BBS5: variants seen among roughly 807,000 people sequenced by gnomAD.
The protein encoded by BBS5 is BBSome complex member BBS5.
BBS5 carries 39 observed loss-of-function variants against 50.2 expected under a neutral mutation model. The observed-to-expected ratio is 0.78, with a 90% CI of 0.60 to 1.01. The LOEUF is 1.01. BBS5 is among the 50% of genes least tolerant of loss of function. The probability of loss-of-function intolerance (pLI) is 0.00; values close to 1 mark genes in which losing one functional copy is unlikely to be tolerated. For missense variants in BBS5, 356 were observed against 401.5 expected (o/e 0.89, Z 0.97); for synonymous variants, 134 against 133.1 (o/e 1.01, Z -0.05).
At chr2:169,487,745 A>G in intron 3 of BBS5, 61 bp from the exon 4 acceptor site, 2 of 1,258,388 alleles carry the variant, frequency 1.6e-6, no homozygotes, top group South Asian at 1.3e-5. Flanking sequence ...TTTTTTTAGA[A>G]AAGTATTTTT....
rs752517746 is a variant in BBS5, at chr2:169,487,879, A to AAT, written c.258+34_258+35dup. The AAT allele has an allele frequency of 7.1e-5, 112 of 1,576,798 alleles. No homozygotes were observed. In the East Asian group the frequency reaches 1.1e-3, roughly 15 times the overall value. On this transcript the variant is annotated intron_variant, in intron 4 of 11. Transcript: ENST00000295240. ...CTGTAAGTCTAAAAAATCTTATTGC[A>AAT]ATATATATATAGTAAAGAAACTAGA...
chr2:169,499,459 T>A (rs1683758310), intron 8 of BBS5, 27 bp from the exon 9 acceptor site: 1 of 1,604,254 alleles, frequency 6.2e-7, no homozygotes. Context: ...CTTGTTGGGT[T>A]TTTTTTTATT....
intron 5 of BBS5, among the ~76,000 whole-genome samples, chr2:169,490,584 GTTTA>G (rs1239361464): frequency 1.3e-5 from 2 of 152,030 alleles, no homozygotes; most frequent in East Asian, 1.9e-4. Flanking sequence ...TAGTTTCCTA[GTTTA>G]TTTGATTTTT....
chr2:169,484,600 A>G (rs1683459058), intron 2 of BBS5, among the ~76,000 whole-genome samples: 1 of 152,320 alleles, frequency 6.6e-6, no homozygotes, highest in South Asian at 2.1e-4. Flanking sequence ...TGTTAAAACT[A>G]TATCCCAGAA....
chr2:169,504,156 G>A (rs1683858155), intron 10 of BBS5, 147 bp from the exon 11 acceptor site: 4 of 741,230 alleles, frequency 5.4e-6, no homozygotes, highest in Non-Finnish European at 9.4e-6. Context: ...CAGCATTGTA[G>A]AGATAGGTGA....
At chr2:169,501,672 G>T (rs1683804912) in intron 9 of BBS5, among the ~76,000 whole-genome samples, 1 of 152,140 alleles carries the variant, frequency 6.6e-6, no homozygotes, top group Admixed American at 6.5e-5. Flanking sequence ...GAGGTCAGGA[G>T]TTTGAGGCTG....
At chr2:169,502,192 G>C (rs1683821659) in intron 9 of BBS5, among the ~76,000 whole-genome samples, 4 of 152,128 alleles carry the variant, frequency 2.6e-5, no homozygotes, top group Non-Finnish European at 4.4e-5. Context: ...ATTCATAGTT[G>C]TTGGATGACT....
chr2:169,505,340 C>G lies in BBS5; in HGVS notation c.*758C>G. 1 of 364,884 alleles carries G rather than the reference C, an allele frequency of 2.7e-6. No individual in the cohort carries two copies. The highest frequency in any genetic ancestry group is 5.2e-6 in the Non-Finnish European group (1 of 191,372). The allele number at this position is 364,884 out of a possible 1,614,324, so 22.6% of individuals were successfully genotyped here. ...CTCCCAGCTGCCTGCCTTGGCCTCC[C>G]GAAGTGCCAAGAGTGCAGCCTCTGC... On this transcript the variant is annotated 3_prime_UTR_variant, in exon 12 of 12. Transcript: ENST00000295240.
intron 9 of BBS5, among the ~76,000 whole-genome samples, chr2:169,501,521 G>A (rs2105302679): frequency 6.6e-6 from 1 of 152,244 alleles, no homozygotes; most frequent in East Asian, 1.9e-4. Flanking sequence ...GAGGCCAGGA[G>A]TTTGAGACCA....
Position 169,504,979 on chromosome 2 carries a change from T to G in BBS5, c.*397T>G, listed in dbSNP as rs1269941230. 6 of 1,612,838 alleles carry G rather than the reference T, an allele frequency of 3.7e-6. No homozygotes were observed. Among genetic ancestry groups the G allele is most frequent in the Non-Finnish European group, 5.1e-6 (6 of 1,179,884 alleles). ...TCTACGTGTGCTTTTTCAAGGGAGCTGATAAAGAACTTCTTCCCAAAATGG... is the reference window on the plus strand; with the variant it reads ...TCTACGTGTGCTTTTTCAAGGGAGCGGATAAAGAACTTCTTCCCAAAATGG... On this transcript the variant is annotated 3_prime_UTR_variant, in exon 12 of 12. Transcript: ENST00000295240.
rs776117757 is a variant in BBS5, at chr2:169,504,466, C to G, written c.925-15C>G. The G allele has an allele frequency of 6.2e-7, 1 of 1,609,408 alleles. No homozygotes were observed. The highest frequency in any genetic ancestry group is 8.5e-7 in the Non-Finnish European group (1 of 1,175,942). On this transcript the variant is annotated splice_polypyrimidine_tract_variant and intron_variant, in intron 11 of 11. Coordinates refer to ENST00000295240, the MANE Select transcript of BBS5 (RefSeq NM_152384.3). ...CCTTCTCTATTCCCATCTTATCCTCCTGTCTCCCAAAAAGCAACAAGATCG... is the reference window on the plus strand; with the variant it reads ...CCTTCTCTATTCCCATCTTATCCTCGTGTCTCCCAAAAAGCAACAAGATCG...
At chr2:169,504,017 C>T (rs1326919162) in intron 10 of BBS5, among the ~76,000 whole-genome samples, 1 of 151,910 alleles carries the variant, frequency 6.6e-6, no homozygotes, top group Non-Finnish European at 1.5e-5. Context: ...CTGTTTCTTG[C>T]CACATGATGA....
chr2:169,502,707 A>C (rs1683832321), intron 9 of BBS5, among the ~76,000 whole-genome samples: 1 of 152,226 alleles, frequency 6.6e-6, no homozygotes, highest in Non-Finnish European at 1.5e-5. Context: ...TTCCATAAAA[A>C]TATTAGTTCT....
chr2:169,492,488 C>CAA (rs111566391), intron 5 of BBS5, among the ~76,000 whole-genome samples: 350 of 95,282 alleles, frequency 3.7e-3, no homozygotes, highest in Non-Finnish European at 4.6e-3. Flanking sequence ...GACTCCATCT[C>CAA]AAAAAAAAAA....
intron 6 of BBS5, 48 bp downstream of exon 6, chr2:169,493,057 T>C: frequency 6.2e-7 from 1 of 1,601,392 alleles, no homozygotes; most frequent in Non-Finnish European, 8.5e-7. Flanking sequence ...GTTTTGGTAA[T>C]CATTTTTCCA....
chr2:169,482,323 T>A lies in BBS5; in HGVS notation c.132T>A (p.Asn44Lys), dbSNP rs1223624496. The change falls in exon 2 of 12, where the codon AAT becomes AAA. Residue 44 changes from asparagine (N) to lysine (K), a missense_variant. By Grantham distance (94) the Asn-to-Lys change is moderately conservative (BLOSUM62 0). Transcript: ENST00000295240. ...LDSIEDTKGN[N>K]GDRGRLLVTN... ...CCATTGAAGACACCAAAGGAAATAA[T>A]GGAGATAGAGGTGAGTATATTTTTA... is the stretch of plus-strand genomic sequence containing the variant. 1.9e-6 allele frequency: 3 copies of A among 1,581,350 alleles called. No individual in the cohort carries two copies. The highest frequency in any genetic ancestry group is 2.6e-6 in the Non-Finnish European group (3 of 1,150,356).
At position 169,499,708 on chromosome 2, in the gene BBS5, T is replaced by G. The variant is rs191823028; in HGVS notation, c.816+88T>G. 4.4e-5 allele frequency: 58 copies of G among 1,330,672 alleles called. No homozygotes were observed. The Admixed American group carries it at 7.0e-4, about 16-fold the overall frequency. The allele number at this position is 1,330,672 out of a possible 1,614,324, so 82.4% of individuals were successfully genotyped here. The stretch of plus-strand genomic sequence containing the variant: ...GTAGATACCACTGTGCACCATTTAA[T>G]TTTGAACTGTTTTTAAAATGGTGAA... On this transcript the variant is annotated intron_variant, in intron 9 of 11. Coordinates refer to ENST00000295240, the MANE Select transcript of BBS5 (RefSeq NM_152384.3).
chr2:169,496,345 A>C (rs1349710749), intron 7 of BBS5, among the ~76,000 whole-genome samples: 1 of 152,222 alleles, frequency 6.6e-6, no homozygotes, highest in African/African-American at 2.4e-5. Flanking sequence ...CACTTAATCT[A>C]TCCCAACCTT....
In BBS5 at chr2:169,488,130, A is replaced by G. The variant is rs1454698956; in HGVS notation, c.386+16A>G. 7 of 1,611,586 alleles carry G rather than the reference A, an allele frequency of 4.3e-6. No homozygotes were observed. The highest frequency in any genetic ancestry group is 5.1e-6 in the Non-Finnish European group (6 of 1,178,684). On this transcript the variant is annotated intron_variant, in intron 5 of 11. Coordinates refer to ENST00000295240, the MANE Select transcript of BBS5 (RefSeq NM_152384.3). ...CAGTACACAGGTATAGTAATACTTT[A>G]TGGATTATTGAATATTTTTTGTTTA...
Sources: gnomAD v4.1 joint callset for allele counts (sites outside exome capture counted in the v4.1 genomes callset) on GRCh38, gnomAD v4.1.1 for gene constraint, MANE v1.5 for transcripts, NCBI Gene and HGNC (gene_info 2026-07-23, HGNC 2026-07-21) for gene names.